PIGK: variants seen among roughly 807,000 people sequenced by gnomAD.
PIGK encodes the protein GPI-anchor transamidase.
Under a neutral mutation model 50.6 loss-of-function variants are expected in PIGK, and 42 were observed. The ratio of observed to expected loss-of-function variants is 0.83; its 90% CI spans 0.65 to 1.07. The LOEUF is 1.07. Among genes scored for constraint, PIGK ranks in the 50% least tolerant of loss-of-function variants. The pLI is 0.00. For synonymous variants in PIGK, 151 were observed against 156.0 expected, an observed-to-expected ratio of 0.97 and a Z score of 0.24; for missense variants, 448 against 488.7, an observed-to-expected ratio of 0.92 and a Z score of 0.78.
chr1:77,163,879 G>T lies in PIGK; in HGVS notation c.551C>A (p.Ala184Glu), dbSNP rs780683566. 4.4e-6 allele frequency: 7 copies of T among 1,608,860 alleles called. No individual in the cohort carries two copies. Among genetic ancestry groups the T allele is most frequent in the South Asian group, 1.1e-5 (1 of 90,340 alleles). Residue 184 changes from alanine (A) to glutamate (E), a missense_variant, in exon 6 of 11, where the codon GCG becomes GAG. Ala to Glu is a moderately radical substitution (Grantham distance 107, BLOSUM62 -1). Transcript: ENST00000370812. ...DSEEITNIEL[A>E]DAFEQMWQKR... is the part of the protein sequence containing the mutation. ...CTGCCACATTTGTTCAAAAGCATCC[G>T]CGAGTTCTATGTTGGTAATTTCTTC...
intron 1 of PIGK, among the ~76,000 whole-genome samples, chr1:77,217,992 C>T (rs1656616601): frequency 6.6e-6 from 1 of 152,116 alleles, no homozygotes; most frequent in Non-Finnish European, 1.5e-5. Flanking sequence ...TTTATGTTCT[C>T]TAAAAATTAT....
intron 10 of PIGK, among the ~76,000 whole-genome samples, chr1:77,115,901 A>C (rs1653950167): frequency 6.6e-6 from 1 of 152,196 alleles, no homozygotes; most frequent in Non-Finnish European, 1.5e-5. Flanking sequence ...TATTAATCTT[A>C]TCAAAATATT....
chr1:77,160,543 A>G (rs1655108933), intron 8 of PIGK, among the ~76,000 whole-genome samples: 1 of 152,242 alleles, frequency 6.6e-6, no homozygotes, highest in African/African-American at 2.4e-5. Context: ...CATTAGGAAC[A>G]GCCTGTGCTT....
chr1:77,182,400 C>CTT (rs1351088826), intron 3 of PIGK, among the ~76,000 whole-genome samples: 4 of 152,236 alleles, frequency 2.6e-5, no homozygotes, highest in African/African-American at 9.6e-5. Context: ...GGTGCCCACC[C>CTT]AGATTAAGGG....
intron 10 of PIGK, among the ~76,000 whole-genome samples, chr1:77,114,998 A>G (rs1653930339): frequency 6.6e-6 from 1 of 152,226 alleles, no homozygotes. Context: ...TTCAATAGGC[A>G]CATTTTTTAA....
At chr1:77,098,771 T>A (rs560362803) in intron 10 of PIGK, among the ~76,000 whole-genome samples, 3 of 152,082 alleles carry the variant, frequency 2.0e-5, no homozygotes, top group African/African-American at 7.2e-5. Context: ...CTCCCGCAAA[T>A]CAGTAAGACA....
chr1:77,094,955 G>A (rs1313153655), intron 10 of PIGK, among the ~76,000 whole-genome samples: 1 of 152,114 alleles, frequency 6.6e-6, no homozygotes, highest in African/African-American at 2.4e-5. Context: ...AGAAATATAT[G>A]TAATTTCTGC....
intron 2 of PIGK, among the ~76,000 whole-genome samples, chr1:77,209,880 G>A (rs927761090): frequency 6.6e-6 from 1 of 151,960 alleles, no homozygotes; most frequent in African/African-American, 2.4e-5. Flanking sequence ...TATATGAAGA[G>A]GGAAAGGGCT....
At chr1:77,209,230 A>G (rs1211531278) in intron 2 of PIGK, among the ~76,000 whole-genome samples, 11 of 152,136 alleles carry the variant, frequency 7.2e-5, no homozygotes, top group Admixed American at 7.2e-4. Flanking sequence ...ATGCCATTAA[A>G]TGAAACTCCA....
intron 3 of PIGK, among the ~76,000 whole-genome samples, chr1:77,170,335 A>T (rs1655332041): frequency 6.6e-6 from 1 of 152,120 alleles, no homozygotes. Context: ...CTACCTCCAC[A>T]CTGGCCTTTC....
At chr1:77,206,549 T>C (rs1052757743) in intron 3 of PIGK, 91 bp downstream of exon 3, 21 of 785,380 alleles carry the variant, frequency 2.7e-5, no homozygotes, top group Non-Finnish European at 4.4e-5. Flanking sequence ...TTTACCTTTT[T>C]CAAAAGTAAC....
In PIGK at chr1:77,150,496, A is replaced by G. The variant is rs529607721; in HGVS notation, c.986+3953T>C. On this transcript the variant is annotated intron_variant, in intron 9 of 10. Coordinates refer to ENST00000370812, the MANE Select transcript of PIGK (RefSeq NM_005482.3). ...CAGAGCAAGACTCAATCTCAAAAAA[A>G]AAAAAAAGAAAGAAAGAAAGAAAAA... 2.6e-5 allele frequency among the ~76,000 whole-genome samples: 4 copies of G among 151,810 alleles called. No individual in the cohort carries two copies. In the South Asian group the frequency reaches 8.3e-4, roughly 31 times the overall value.
At chr1:77,106,469 T>A (rs901642674) in intron 10 of PIGK, among the ~76,000 whole-genome samples, 2 of 152,190 alleles carry the variant, frequency 1.3e-5, no homozygotes, top group African/African-American at 4.8e-5. Context: ...AAATAAATTA[T>A]CTAAAGTTTG....
chr1:77,120,126 T>C (rs1017023993), intron 10 of PIGK, among the ~76,000 whole-genome samples: 6 of 152,218 alleles, frequency 3.9e-5, no homozygotes, highest in East Asian at 3.8e-4. Flanking sequence ...ACAATAATGC[T>C]ATAATTTAGA....
chr1:77,100,094 G>A (rs994871510), intron 10 of PIGK, among the ~76,000 whole-genome samples: 1 of 152,116 alleles, frequency 6.6e-6, no homozygotes, highest in South Asian at 2.1e-4. Flanking sequence ...TTTAAAAATA[G>A]TTAACAGAGC....
intron 9 of PIGK, among the ~76,000 whole-genome samples, chr1:77,132,966 G>A (rs1447573113): frequency 6.6e-6 from 1 of 151,960 alleles, no homozygotes; most frequent in African/African-American, 2.4e-5. Context: ...TGTTTTTTCA[G>A]CATTTTGACT....
intron 9 of PIGK, among the ~76,000 whole-genome samples, chr1:77,142,613 A>C (rs753018014): frequency 6.6e-6 from 1 of 152,168 alleles, no homozygotes; most frequent in Non-Finnish European, 1.5e-5. Context: ...GAAACTTACG[A>C]ACATGGCAGA....
intron 9 of PIGK, among the ~76,000 whole-genome samples, chr1:77,127,414 T>TA (rs1654256671): frequency 6.6e-6 from 1 of 152,152 alleles, no homozygotes; most frequent in South Asian, 2.1e-4. Context: ...TAAAATAACA[T>TA]ACAGCCAGGT....
Position 77,161,287 on chromosome 1 carries a change from A to G in PIGK, c.813+8T>C. On this transcript the variant is annotated splice_region_variant and intron_variant, in intron 8 of 10. Coordinates refer to ENST00000370812, the MANE Select transcript of PIGK (RefSeq NM_005482.3). Reference sequence around the variant, plus strand: ...TATGTGCTATAATCAAATCAAGTGAATACTTACAAGGTCATTCATATTAGT... The same window carrying G: ...TATGTGCTATAATCAAATCAAGTGAGTACTTACAAGGTCATTCATATTAGT... The G allele has an allele frequency of 7.5e-7, 1 of 1,324,638 alleles. No homozygotes were observed. The allele number at this position is 1,324,638 out of a possible 1,614,324, so 82.1% of individuals were successfully genotyped here.
Sources: gnomAD v4.1 joint callset for allele counts (sites outside exome capture counted in the v4.1 genomes callset) on GRCh38, gnomAD v4.1.1 for gene constraint, MANE v1.5 for transcripts, NCBI Gene and HGNC (gene_info 2026-07-23, HGNC 2026-07-21) for gene names.